CSTF3: variants seen among roughly 807,000 people sequenced by gnomAD.
CSTF3 encodes the protein cleavage stimulation factor subunit 3, also known as CF-1 77 kDa subunit.
Under a neutral mutation model 105.8 loss-of-function variants are expected in CSTF3, and 29 were observed. The ratio of observed to expected loss-of-function variants is 0.27; its 90% CI spans 0.20 to 0.37. The LOEUF is 0.37. CSTF3 is among the 10% of genes least tolerant of loss of function. The pLI is 1.00. For missense variants in CSTF3, 357 were observed against 879.3 expected, an observed-to-expected ratio of 0.41 and a Z score of 7.51; for synonymous variants, 252 against 281.9, an observed-to-expected ratio of 0.89 and a Z score of 1.06.
chr11:33,133,132 G>A (rs432219), intron 3 of CSTF3, among the ~76,000 whole-genome samples: 45,146 of 151,956 alleles, frequency 0.3, 7,713 homozygotes, highest in Middle Eastern at 0.43. Flanking sequence ...AAAAAATCAT[G>A]GTAGGGAGGG....
Position 33,145,827 on chromosome 11 carries a change from A to C in CSTF3, c.28-3841T>G, listed in dbSNP as rs188208560. On this transcript the variant is annotated intron_variant, in intron 1 of 20. Transcript: ENST00000323959. ...AGACTCCGTCTCAAAAACAAACAAA[A>C]AAAAGAAATGCAAATATAAACCAGA... Among the ~76,000 whole-genome samples, 323 of 152,264 alleles carry C rather than the reference A, an allele frequency of 2.1e-3. 1 individual carries two copies. The highest frequency in any genetic ancestry group is 7.3e-3 in the African/African-American group (302 of 41,540).
intron 1 of CSTF3, among the ~76,000 whole-genome samples, chr11:33,157,631 C>G (rs1849884320): frequency 6.6e-6 from 1 of 152,058 alleles, no homozygotes; most frequent in South Asian, 2.1e-4. Flanking sequence ...TTTTGCTTGT[C>G]TGCAATAATT....
intron 3 of CSTF3, among the ~76,000 whole-genome samples, chr11:33,134,080 G>A (rs533026448): frequency 3.3e-5 from 5 of 151,890 alleles, no homozygotes; most frequent in East Asian, 3.9e-4. Flanking sequence ...CCTATAGTTC[G>A]GAAAAAAAAG....
intron 3 of CSTF3, among the ~76,000 whole-genome samples, chr11:33,127,509 T>C (rs537446986): frequency 6.6e-6 from 1 of 152,314 alleles, no homozygotes; most frequent in South Asian, 2.1e-4. Flanking sequence ...CACATTCTTA[T>C]TTATATTTCT....
chr11:33,121,735 G>C (rs1239800022), intron 3 of CSTF3, among the ~76,000 whole-genome samples: 4 of 152,098 alleles, frequency 2.6e-5, no homozygotes, highest in Admixed American at 2.6e-4. Flanking sequence ...TCTGGGTTAA[G>C]GTGGTGATAC....
chr11:33,103,661 T>C (rs575078331), intron 8 of CSTF3, among the ~76,000 whole-genome samples: 2 of 152,162 alleles, frequency 1.3e-5, no homozygotes, highest in Admixed American at 1.3e-4. Flanking sequence ...TCCCAGCTAC[T>C]TGGGAGCTTG....
At chr11:33,103,316 T>C (rs192134526) in intron 8 of CSTF3, 132 bp from the exon 9 acceptor site, 312 of 462,832 alleles carry the variant, frequency 6.7e-4, no homozygotes, top group Non-Finnish European at 8.4e-4. Context: ...TAAAGGTTCA[T>C]ACAGCTCATG....
At chr11:33,118,146 G>A (rs1855452928) in intron 3 of CSTF3, among the ~76,000 whole-genome samples, 3 of 150,368 alleles carry the variant, frequency 2.0e-5, no homozygotes, top group African/African-American at 4.9e-5. Context: ...GTTTCTCTTC[G>A]GAGTAATTCA....
At position 33,147,640 on chromosome 11, in the gene CSTF3, A is replaced by G. The variant is rs1029241618; in HGVS notation, c.28-5654T>C. ...GTCTTGAGATACCGACTATAAAATG[A>G]TAACGATTAACTAAGAAATAAAACT... On this transcript the variant is annotated intron_variant, in intron 1 of 20. Coordinates refer to ENST00000323959, the MANE Select transcript of CSTF3 (RefSeq NM_001326.3). Among the ~76,000 whole-genome samples, 10 of 152,284 alleles carry G rather than the reference A, an allele frequency of 6.6e-5. No individual in the cohort carries two copies. The East Asian group carries it at 9.6e-4, about 15-fold the overall frequency.
At chr11:33,140,465 G>A (rs1400139610) in intron 3 of CSTF3, among the ~76,000 whole-genome samples, 1 of 151,724 alleles carries the variant, frequency 6.6e-6, no homozygotes, top group Non-Finnish European at 1.5e-5. Context: ...CACACACAAT[G>A]TTCCTGCTAT....
At position 33,099,348 on chromosome 11, in the gene CSTF3, C is replaced by T. The variant is rs1400747155; in HGVS notation, c.937-198G>A. On this transcript the variant is annotated intron_variant, in intron 11 of 20. Transcript: ENST00000323959. The surrounding 1 kb of genome is among the most constrained non-coding windows in gnomAD (Gnocchi z 4.1). ...CTGGATTCTAAAAAAATTCCAAAAA[C>T]TCCTTTCATTATTTTAACTTACAAA... is the stretch of plus-strand genomic sequence containing the variant. 3.9e-5 allele frequency among the ~76,000 whole-genome samples: 6 copies of T among 152,174 alleles called. No homozygotes were observed. Among genetic ancestry groups the T allele is most frequent in the Non-Finnish European group, 8.8e-5 (6 of 68,030 alleles).
Position 33,098,687 on chromosome 11 carries a change from C to T in CSTF3, c.1128+3G>A. The T allele has an allele frequency of 6.4e-7, 1 of 1,568,286 alleles. No homozygotes were observed. Among genetic ancestry groups the T allele is most frequent in the Non-Finnish European group, 8.7e-7 (1 of 1,151,600 alleles). On this transcript the variant is annotated splice_donor_region_variant and intron_variant, in intron 13 of 20. Transcript: ENST00000323959. ...GGAAAAAAAGATTTGTAAAGTTACTCACCAAGGTAGGGTCAATATCCTCAA... is the reference window on the plus strand; with the variant it reads ...GGAAAAAAAGATTTGTAAAGTTACTTACCAAGGTAGGGTCAATATCCTCAA...
chr11:33,159,663 C>T (rs574107820), intron 1 of CSTF3, among the ~76,000 whole-genome samples: 1 of 148,028 alleles, frequency 6.8e-6, no homozygotes, highest in East Asian at 2.0e-4. Flanking sequence ...CTCCCAGCTA[C>T]GGAGGAGGCT....
intron 17 of CSTF3, among the ~76,000 whole-genome samples, chr11:33,090,059 A>C (rs948855380): frequency 6.6e-6 from 1 of 152,218 alleles, no homozygotes; most frequent in African/African-American, 2.4e-5. Context: ...TAAGAATACA[A>C]ATCCCTCAAG....
At chr11:33,156,620 G>C (rs918897352) in intron 1 of CSTF3, 9 of 440,158 alleles carry the variant, frequency 2.0e-5, no homozygotes, top group African/African-American at 1.8e-4. Flanking sequence ...TTTCCAAGCT[G>C]AGGATCATTT....
At chr11:33,150,149 A>AGGTT (rs1339168750) in intron 1 of CSTF3, among the ~76,000 whole-genome samples, 1 of 146,074 alleles carries the variant, frequency 6.8e-6, no homozygotes, top group Non-Finnish European at 1.5e-5. Context: ...CGGGAGGCGG[A>AGGTT]GGTTGCAGTG....
intron 3 of CSTF3, among the ~76,000 whole-genome samples, chr11:33,116,815 G>A (rs144360024): frequency 5.0e-4 from 76 of 152,206 alleles, no homozygotes; most frequent in Non-Finnish European, 8.2e-4. Context: ...GCTACAATAG[G>A]AAAGATGCTA....
In CSTF3 at chr11:33,090,614, T is replaced by C; in HGVS notation, c.1559A>G (p.Glu520Gly). Residue 520 changes from glutamate to glycine, a missense_variant, in exon 17 of 21, where the codon GAA (glutamate) becomes GGA (glycine). Glu to Gly is a moderately conservative substitution (Grantham distance 98). Around this residue, in one of 4 missense-constraint regions of CSTF3, gnomAD observed 206 missense variants for 576.5 expected, o/e 0.36. Coordinates refer to ENST00000323959, the MANE Select transcript of CSTF3 (RefSeq NM_001326.3). The stretch of plus-strand genomic sequence containing the variant: ...GTATCTATCTACTAGTAAAGCCGTT[T>C]CTTTCCCTTCATACTCTTCTTTGAA... Reference protein sequence around the residue: ...TAFKEEYEGKETALLVDRYKF... With the variant: ...TAFKEEYEGKGTALLVDRYKF... 6.2e-7 allele frequency: 1 copy of C among 1,612,822 alleles called. No individual in the cohort carries two copies. The highest frequency in any genetic ancestry group is 1.1e-5 in the South Asian group (1 of 90,836).
At position 33,161,313 on chromosome 11, in the gene CSTF3, C is replaced by T. The variant is rs1258117306; in HGVS notation, c.13G>A (p.Gly5Arg). 3.7e-6 allele frequency: 6 copies of T among 1,613,110 alleles called. No individual in the cohort carries two copies. The East Asian group carries it at 1.1e-4, about 30-fold the overall frequency. ...TCCTTCCTCACCTGCTCCGTGGCTC[C>T]GTCTCCTGACATGGCCTCAGCTGAT... The part of the protein sequence containing the change: MSGD[G>R]ATEQAAEYVP... Residue 5 changes from glycine to arginine, a missense_variant, in exon 1 of 21, where the codon GGA (glycine) becomes AGA (arginine). Transcript: ENST00000323959.
Sources: gnomAD v4.1 joint callset for allele counts (sites outside exome capture counted in the v4.1 genomes callset) on GRCh38, gnomAD v4.1.1 for gene constraint, gnomAD v4.1.1 regional missense constraint, Gnocchi (gnomAD v3.1) non-coding constraint, MANE v1.5 for transcripts, NCBI Gene and HGNC (gene_info 2026-07-23, HGNC 2026-07-21) for gene names.